The following PLXNA3 variants were observed in gnomAD, a reference collection of about 807,000 sequenced individuals.
PLXNA3 encodes plexin A3.
A neutral mutation model predicts 118.8 loss-of-function variants in PLXNA3; 52 were observed. The ratio of observed to expected loss-of-function variants is 0.44; its 90% CI spans 0.35 to 0.55. The LOEUF is 0.55. PLXNA3 is among the 20% of genes least tolerant of loss of function. The pLI is 0.01. For missense variants in PLXNA3, 1,660 were observed against 1,730.8 expected (o/e 0.96, Z 0.73); for synonymous variants, 925 against 762.4 (o/e 1.21, Z -3.51).
rs374032775 is a variant in PLXNA3, at chrX:154,466,372, G to T, written c.2800-4G>T. 2 of 1,211,469 alleles carry T rather than the reference G, an allele frequency of 1.7e-6. No homozygotes were observed. The highest frequency in any genetic ancestry group is 1.8e-5 in the South Asian group (1 of 57,016). ...TCCTCCCCTCAGGGCAGCTTCTCCCGCAGACCCCAACGTTTGACCAAGTGA... is the reference window on the plus strand; with the variant it reads ...TCCTCCCCTCAGGGCAGCTTCTCCCTCAGACCCCAACGTTTGACCAAGTGA... On this transcript the variant is annotated splice_region_variant and splice_polypyrimidine_tract_variant and intron_variant, in intron 15 of 32. Transcript: ENST00000369682.
At position 154,469,703 on chromosome X, in the gene PLXNA3, T is replaced by C. The variant is rs781812141; in HGVS notation, c.4714T>C (p.Leu1572=). The change falls in exon 28 of 33, where the codon TTG becomes CTG. Residue 1572 remains leucine (L), a synonymous_variant. Coordinates refer to ENST00000369682, the MANE Select transcript of PLXNA3 (RefSeq NM_017514.5). ...GGGCCTCCAGGTGACAGACGGTTCCTTGGTGGCATTGGTGCCCAAACAAGT... is the reference window on the plus strand; with the variant it reads ...GGGCCTCCAGGTGACAGACGGTTCCCTGGTGGCATTGGTGCCCAAACAAGT... ...LAHYQVTDGS[L]VALVPKQVSA... 1.7e-6 allele frequency: 2 copies of C among 1,209,369 alleles called. No individual in the cohort carries two copies. The highest frequency in any genetic ancestry group is 2.2e-6 in the Non-Finnish European group (2 of 893,293).
rs2069226066 is a variant in PLXNA3 at position 154,474,946 on chromosome X, C to G, written c.*2261C>G. ...AGGATTACAAGTGCTTGCCACCATA[C>G]CCAGCTGTTTTTTGTTTTTTTTTTT... On this transcript the variant is annotated 3_prime_UTR_variant, in exon 33 of 33. Coordinates refer to ENST00000369682, the MANE Select transcript of PLXNA3 (RefSeq NM_017514.5). The G allele has an allele frequency of 9.7e-6, 1 of 102,856 alleles. No homozygotes were observed. Among genetic ancestry groups the G allele is most frequent in the South Asian group, 4.5e-4 (1 of 2,217 alleles). 8.5% of individuals were successfully genotyped at this position (102,856 alleles called of 1,213,427 possible).
chrX:154,462,193 G>C lies in PLXNA3; in HGVS notation c.1200G>C (p.Val400=), dbSNP rs782246413. The C allele has an allele frequency of 1.7e-6, 2 of 1,205,255 alleles. No individual in the cohort carries two copies. Among genetic ancestry groups the C allele is most frequent in the Admixed American group, 2.2e-5 (1 of 45,530 alleles). ...ACCAGCCTCTGGGAGGCCTGCATGT[G>C]ATCGAGGGGCTGCCCCTGCTGGCCG... ...VLNQPLGGLH[V]IEGLPLLADS... The change falls in exon 4 of 33, where the codon GTG becomes GTC. Residue 400 remains valine (V), a synonymous_variant. Transcript: ENST00000369682.
chrX:154,461,431 C>T lies in PLXNA3; in HGVS notation c.927C>T (p.Gly309=), dbSNP rs782618267. 1.8e-4 allele frequency: 220 copies of T among 1,210,302 alleles called. No individual in the cohort carries two copies. In the East Asian group the frequency reaches 2.7e-3, roughly 15 times the overall value. Residue 309 remains glycine (G), a synonymous_variant, in exon 3 of 33, where the codon GGC becomes GGT. Transcript: ENST00000369682. The part of the protein sequence containing the change: ...KPGLLLAQAL[G]VPADEDVLFT... ...GCCTGCTGCTGGCCCAGGCCCTGGGCGTGCCGGCTGATGAGGACGTCCTCT... is the reference window on the plus strand; with the variant it reads ...GCCTGCTGCTGGCCCAGGCCCTGGGTGTGCCGGCTGATGAGGACGTCCTCT...
chrX:154,461,146 C>T lies in PLXNA3; in HGVS notation c.642C>T (p.Asp214=). 1.7e-6 allele frequency: 2 copies of T among 1,208,720 alleles called. No homozygotes were observed. Among genetic ancestry groups the T allele is most frequent in the Non-Finnish European group, 2.2e-6 (2 of 892,563 alleles). ...FVSSQIKIPS[D]TLSLYPAFDI... Reference sequence around the variant, plus strand: ...CCTCCCAGATCAAGATCCCCTCAGACACGCTGTCCTTGTACCCTGCCTTTG... The same window carrying T: ...CCTCCCAGATCAAGATCCCCTCAGATACGCTGTCCTTGTACCCTGCCTTTG... The change falls in exon 3 of 33, where the codon GAC becomes GAT. Residue 214 remains aspartate (D), a synonymous_variant. Transcript: ENST00000369682.
At chrX:154,471,381 G>A (rs2069181438) in intron 31 of PLXNA3, 64 bp downstream of exon 31, 16 of 1,150,869 alleles carry the variant, frequency 1.4e-5, no homozygotes, top group African/African-American at 7.1e-5. Context: ...CTGCCTGTGC[G>A]AGGCAGGCCA....
chrX:154,464,127 G>T, intron 7 of PLXNA3, 30 bp from the exon 8 acceptor site: 1 of 1,207,744 alleles, frequency 8.3e-7, no homozygotes, highest in Non-Finnish European at 1.1e-6. Flanking sequence ...CTGGGAGTCC[G>T]CCCTGCCCTG....
chrX:154,461,849 G>A (rs192485914), intron 3 of PLXNA3, among the ~76,000 whole-genome samples: 163 of 111,918 alleles, frequency 1.5e-3, no homozygotes, highest in Middle Eastern at 4.7e-3. Flanking sequence ...GCTTCCTTCC[G>A]TTCCCAGCTC....
chrX:154,464,137 G>A lies in PLXNA3; in HGVS notation c.1672-20G>A, dbSNP rs1403247881. ...GTGTGCTGGGAGTCCGCCCTGCCCT[G>A]AGCCCTCTGCTTCCCCCAGCTGACC... On this transcript the variant is annotated intron_variant, in intron 7 of 32. Transcript: ENST00000369682. 2 of 1,206,957 alleles carry A rather than the reference G, an allele frequency of 1.7e-6. No individual in the cohort carries two copies. The highest frequency in any genetic ancestry group is 2.2e-6 in the Non-Finnish European group (2 of 893,032).
chrX:154,464,911 G>A (rs200006006), intron 10 of PLXNA3, 43 bp downstream of exon 10: 90 of 1,084,373 alleles, frequency 8.3e-5, no homozygotes, highest in Admixed American at 1.3e-4. Flanking sequence ...TCTGTGGTGC[G>A]GGCGGGGCCA....
At position 154,461,099 on chromosome X, in the gene PLXNA3, G is replaced by T; in HGVS notation, c.595G>T (p.Val199Leu). 8.4e-7 allele frequency: 1 copy of T among 1,192,431 alleles called. No homozygotes were observed. Among genetic ancestry groups the T allele is most frequent in the Non-Finnish European group, 1.1e-6 (1 of 882,037 alleles). Residue 199 changes from valine to leucine, a missense_variant and splice_region_variant, in exon 3 of 33, where the codon GTG becomes TTG. Physicochemically the swap from Val to Leu is conservative, Grantham distance 32. This residue lies in a region of PLXNA3 where 791 missense variants were observed against 652.1 expected (regional missense o/e 1.21). Transcript: ENST00000369682. ...GCTGTCTCCTCCCCCTGCTCCCCAG[G>T]TGTACCAGGATGAGTTTGTGTCCTC... is the stretch of plus-strand genomic sequence containing the variant. ...DEDSADMFSLVYQDEFVSSQI... is the reference protein window; with the variant it reads ...DEDSADMFSLLYQDEFVSSQI...
At chrX:154,471,082 G>A (rs782315980) in intron 30 of PLXNA3, 23 bp from the exon 31 acceptor site, 12 of 1,191,531 alleles carry the variant, frequency 1.0e-5, no homozygotes, top group East Asian at 8.9e-5. Flanking sequence ...AGCCTCAGGC[G>A]CACGTCCCTC....
rs1275309570 is a variant in PLXNA3 at position 154,476,024 on chromosome X, C to T, written c.*3339C>T. ...TCTCTACAAAAAATAAAAAACTAGC[C>T]AGGCATGGTGGTGCATGCCTGTGGT... On this transcript the variant is annotated 3_prime_UTR_variant, in exon 33 of 33. Coordinates refer to ENST00000369682, the MANE Select transcript of PLXNA3 (RefSeq NM_017514.5). 8.9e-6 allele frequency: 1 copy of T among 111,772 alleles called. No homozygotes were observed. The highest frequency in any genetic ancestry group is 1.9e-5 in the Non-Finnish European group (1 of 53,080). The allele number at this position is 111,772 out of a possible 1,213,427, so 9.2% of individuals were successfully genotyped here.
intron 3 of PLXNA3, 33 bp from the exon 4 acceptor site, chrX:154,462,095 T>A: frequency 1.8e-6 from 2 of 1,137,409 alleles, no homozygotes; most frequent in Non-Finnish European, 2.3e-6. Flanking sequence ...CTGGGAGCTT[T>A]GACTCTCACG....
chrX:154,459,176 C>A (rs1186568654), intron 1 of PLXNA3, among the ~76,000 whole-genome samples: 1 of 97,996 alleles, frequency 1.0e-5, no homozygotes, highest in African/African-American at 4.5e-5. Context: ...TCCCCCCCCG[C>A]CTCCCGCCCT....
intron 2 of PLXNA3, 63 bp downstream of exon 2, chrX:154,460,840 C>G: frequency 3.5e-6 from 3 of 858,475 alleles, no homozygotes; most frequent in Non-Finnish European, 4.8e-6. Context: ...CAGAAGAGCC[C>G]TGTTCTTTCT....
At chrX:154,460,949 G>GGCTTGTGTTCCCGGGGTGTAGA in intron 2 of PLXNA3, 150 bp from the exon 3 acceptor site, 4 of 622,837 alleles carry the variant, frequency 6.4e-6, no homozygotes, top group Non-Finnish European at 9.7e-6. Context: ...CCTGTGTGCA[G>GGCTTGTGTTCCCGGGGTGTAGA]GGAGGCTGGT....
intron 1 of PLXNA3, among the ~76,000 whole-genome samples, chrX:154,459,360 G>A (rs1283589323): frequency 9.0e-6 from 1 of 111,649 alleles, no homozygotes; most frequent in Non-Finnish European, 1.9e-5. Context: ...CTCCTGCCCT[G>A]TCTCTCCAAG....
In PLXNA3 at chrX:154,477,726, A is replaced by C; in HGVS notation, c.*5041A>C. The stretch of plus-strand genomic sequence containing the variant: ...CCCCCCCCCCAGCAACCCAAGCACA[A>C]CAAGAATATTGGGAGGTGCCCCAGC... On this transcript the variant is annotated 3_prime_UTR_variant, in exon 33 of 33. Coordinates refer to ENST00000369682, the MANE Select transcript of PLXNA3 (RefSeq NM_017514.5). 1 of 321,159 alleles carries C rather than the reference A, an allele frequency of 3.1e-6. No homozygotes were observed. The allele number at this position is 321,159 out of a possible 1,213,427, so 26.5% of individuals were successfully genotyped here.
Sources: gnomAD v4.1 joint callset for allele counts (sites outside exome capture counted in the v4.1 genomes callset) on GRCh38, gnomAD v4.1.1 for gene constraint, gnomAD v4.1.1 regional missense constraint, MANE v1.5 for transcripts, NCBI Gene and HGNC (gene_info 2026-07-23, HGNC 2026-07-21) for gene names.